KCTD20: variants seen among roughly 807,000 people sequenced by gnomAD.
KCTD20 encodes BTB/POZ domain-containing protein KCTD20.
In KCTD20, 30 loss-of-function variants were observed where a neutral mutation model predicts 39.6. That is an observed-to-expected ratio of 0.76 (90% CI 0.57 to 1.03). The LOEUF is 1.03. Among genes scored for constraint, KCTD20 ranks in the 50% least tolerant of loss-of-function variants. The probability of loss-of-function intolerance (pLI) is 0.00; values close to 1 mark genes in which losing one functional copy is unlikely to be tolerated. For missense variants in KCTD20, 422 were observed against 522.0 expected (o/e 0.81, Z 1.87); for synonymous variants, 162 against 180.6 (o/e 0.90, Z 0.83).
At position 36,469,385 on chromosome 6, in the gene KCTD20, G is replaced by A. The variant is rs1775847764; in HGVS notation, c.-46-667G>A. ...ATCACTGGGGGTCTTGCACGTGGCA[G>A]TCACATAGTGTGTGTTGTTCATGGG... is the stretch of plus-strand genomic sequence containing the variant. On this transcript the variant is annotated intron_variant, in intron 1 of 7. Coordinates refer to ENST00000373731, the MANE Select transcript of KCTD20 (RefSeq NM_173562.5). The surrounding 1 kb of genome is among the most constrained non-coding windows in gnomAD (Gnocchi z 4.6). Among the ~76,000 whole-genome samples the A allele has an allele frequency of 6.6e-6, 1 of 152,218 alleles. No homozygotes were observed. Among genetic ancestry groups the A allele is most frequent in the Admixed American group, 6.5e-5 (1 of 15,278 alleles).
rs369110627 is a variant in KCTD20, at chr6:36,470,104, G to A, written c.7G>A (p.Val3Ile). Reference sequence around the variant, plus strand: ...CAGGACTCAGAATCTAAGGATGAATGTTCACCGTGGCAGTGACAGTGACAG... The same window carrying A: ...CAGGACTCAGAATCTAAGGATGAATATTCACCGTGGCAGTGACAGTGACAG... MN[V>I]HRGSDSDRLL... is the part of the protein sequence containing the mutation. The change falls in exon 2 of 8, where the codon GTT (valine) becomes ATT (isoleucine). Residue 3 changes from valine to isoleucine, a missense_variant. Transcript: ENST00000373731. 3.7e-6 allele frequency: 6 copies of A among 1,612,348 alleles called. No homozygotes were observed. Among genetic ancestry groups the A allele is most frequent in the Non-Finnish European group, 5.1e-6 (6 of 1,178,938 alleles).
Position 36,474,755 on chromosome 6 carries a change from C to G in KCTD20, c.161-34C>G, listed in dbSNP as rs368506059. On this transcript the variant is annotated intron_variant, in intron 2 of 7. Coordinates refer to ENST00000373731, the MANE Select transcript of KCTD20 (RefSeq NM_173562.5). ...ATTTTTCTCTCAAGGCTTTTGCTCT[C>G]AAGTTGTTTTGGTTTCTTTGTATGT... 25 of 1,511,048 alleles carry G rather than the reference C, an allele frequency of 1.7e-5. No homozygotes were observed. In the African/African-American group the frequency reaches 1.8e-4, roughly 11 times the overall value. 93.6% of individuals were successfully genotyped at this position (1,511,048 alleles called of 1,614,324 possible).
chr6:36,475,329 C>T (rs1224702847), intron 3 of KCTD20, among the ~76,000 whole-genome samples: 1 of 151,728 alleles, frequency 6.6e-6, no homozygotes, highest in Non-Finnish European at 1.5e-5. Context: ...ACCTATAATC[C>T]CAGCTGCTAC....
At chr6:36,471,687 G>C (rs1320480535) in intron 2 of KCTD20, among the ~76,000 whole-genome samples, 1 of 152,130 alleles carries the variant, frequency 6.6e-6, no homozygotes, top group Non-Finnish European at 1.5e-5. Context: ...ACACCATTAG[G>C]GAGAACTTGT....
At chr6:36,471,986 C>T (rs1405699875) in intron 2 of KCTD20, among the ~76,000 whole-genome samples, 1 of 151,880 alleles carries the variant, frequency 6.6e-6, no homozygotes, top group Non-Finnish European at 1.5e-5. Flanking sequence ...GTAGCTGGGA[C>T]TACAGGCACC....
rs572144793 is a variant in KCTD20 at position 36,459,213 on chromosome 6, G to A, written c.-46-10839G>A. 3.9e-5 allele frequency among the ~76,000 whole-genome samples: 6 copies of A among 152,298 alleles called. No homozygotes were observed. In the East Asian group the frequency reaches 1.2e-3, roughly 29 times the overall value. ...CATAATCCCAGCTACTCGGGAGGCT[G>A]AGGCAGGAGAATCGCTTGAACTCGG... On this transcript the variant is annotated intron_variant, in intron 1 of 7. Coordinates refer to ENST00000373731, the MANE Select transcript of KCTD20 (RefSeq NM_173562.5).
In KCTD20 at chr6:36,490,274, C is replaced by G. The variant is rs1776546125; in HGVS notation, c.*3099C>G. ...TTTTGGCCAGGCGTGGTGGCTCACGCCTGTAATCCCAGCACTTTGGGAGGC... is the reference window on the plus strand; with the variant it reads ...TTTTGGCCAGGCGTGGTGGCTCACGGCTGTAATCCCAGCACTTTGGGAGGC... On this transcript the variant is annotated 3_prime_UTR_variant, in exon 8 of 8. Coordinates refer to ENST00000373731, the MANE Select transcript of KCTD20 (RefSeq NM_173562.5). 1 of 152,268 alleles carries G rather than the reference C, an allele frequency of 6.6e-6. No homozygotes were observed. The highest frequency in any genetic ancestry group is 6.5e-5 in the Admixed American group (1 of 15,284). The allele number at this position is 152,268 out of a possible 1,614,324, so 9.4% of individuals were successfully genotyped here.
Position 36,484,788 on chromosome 6 carries a change from G to A in KCTD20, c.931G>A (p.Glu311Lys), listed in dbSNP as rs1397120147. Residue 311 changes from glutamate (E) to lysine (K), a missense_variant, in exon 7 of 8, where the codon GAA becomes AAA. Physicochemically the swap from Glu to Lys is moderately conservative, Grantham distance 56 (BLOSUM62 1). Coordinates refer to ENST00000373731, the MANE Select transcript of KCTD20 (RefSeq NM_173562.5). ...GGATGTTGCAAAAACAGTGTTAAAG[G>A]AACGGGGCCTAAAAAACATTCGCAT... ...NRDVAKTVLK[E>K]RGLKNIRIGI... is the part of the protein sequence containing the mutation. The A allele has an allele frequency of 1.9e-6, 3 of 1,600,926 alleles. No homozygotes were observed. The highest frequency in any genetic ancestry group is 2.6e-6 in the Non-Finnish European group (3 of 1,171,874).
chr6:36,481,704 T>G lies in KCTD20; in HGVS notation c.801T>G (p.Asp267Glu). 6.2e-7 allele frequency: 1 copy of G among 1,614,200 alleles called. No homozygotes were observed. The highest frequency in any genetic ancestry group is 8.5e-7 in the Non-Finnish European group (1 of 1,180,036). Reference sequence around the variant, plus strand: ...ACATTGTTGTGCTGACGGATGAGGATTCTGTGGACTGGGATGAAGACCACC... The same window carrying G: ...ACATTGTTGTGCTGACGGATGAGGAGTCTGTGGACTGGGATGAAGACCACC... Reference protein sequence around the residue: ...ECHIVVLTDEDSVDWDEDHPP... With the variant: ...ECHIVVLTDEESVDWDEDHPP... Residue 267 changes from aspartate to glutamate, a missense_variant, in exon 6 of 8, where the codon GAT becomes GAG. By Grantham distance (45) the Asp-to-Glu change is conservative. Coordinates refer to ENST00000373731, the MANE Select transcript of KCTD20 (RefSeq NM_173562.5).
chr6:36,477,728 G>A (rs1233953314), intron 3 of KCTD20, among the ~76,000 whole-genome samples: 3 of 149,514 alleles, frequency 2.0e-5, no homozygotes, highest in African/African-American at 4.9e-5. Flanking sequence ...CTCATGATCC[G>A]CCCATCTCGG....
In KCTD20 at chr6:36,479,176, T is replaced by A. The variant is rs769433962; in HGVS notation, c.490T>A (p.Tyr164Asn). ...NFTRPNEKGE[Y>N]EIAEGISATV... ...CACTCGGCCCAATGAGAAGGGAGAGTATGAGATTGCTGAAGGCATCAGTGC... is the reference window on the plus strand; with the variant it reads ...CACTCGGCCCAATGAGAAGGGAGAGAATGAGATTGCTGAAGGCATCAGTGC... The change falls in exon 4 of 8, where the codon TAT becomes AAT. Residue 164 changes from tyrosine (Y) to asparagine (N), a missense_variant. Physicochemically the swap from Tyr to Asn is moderately radical, Grantham distance 143. Coordinates refer to ENST00000373731, the MANE Select transcript of KCTD20 (RefSeq NM_173562.5). 1 of 1,613,676 alleles carries A rather than the reference T, an allele frequency of 6.2e-7. No homozygotes were observed. The highest frequency in any genetic ancestry group is 8.5e-7 in the Non-Finnish European group (1 of 1,179,836).
rs141315779 is a variant in KCTD20 at position 36,479,048 on chromosome 6, T to C, written c.435-73T>C. 1.4e-3 allele frequency: 1,353 copies of C among 985,812 alleles called. 11 individuals are homozygous for C. Among genetic ancestry groups the C allele is most frequent in the Middle Eastern group, 3.0e-3 (14 of 4,694 alleles). The allele number at this position is 985,812 out of a possible 1,614,324, so 61.1% of individuals were successfully genotyped here. A position where few individuals can be genotyped will look rare whatever the true frequency, so the allele number is the denominator to read the frequency against. The stretch of plus-strand genomic sequence containing the variant: ...TGGGATGGAGTCTTCCAGAATGAGG[T>C]GGAGAAGGGAGAAATCTCATCTGTG... On this transcript the variant is annotated intron_variant, in intron 3 of 7. Transcript: ENST00000373731.
At chr6:36,482,368 A>G (rs999443436) in intron 6 of KCTD20, among the ~76,000 whole-genome samples, 3 of 151,908 alleles carry the variant, frequency 2.0e-5, no homozygotes, top group Non-Finnish European at 4.4e-5. Flanking sequence ...TCTGGCCAAC[A>G]TAGTGAAAGC....
Position 36,470,265 on chromosome 6 carries a change from G to T in KCTD20, c.160+8G>T, listed in dbSNP as rs1331223591. The T allele has an allele frequency of 6.3e-7, 1 of 1,593,762 alleles. No homozygotes were observed. The highest frequency in any genetic ancestry group is 2.3e-5 in the East Asian group (1 of 44,272). On this transcript the variant is annotated splice_region_variant and intron_variant, in intron 2 of 7. Transcript: ENST00000373731. ...TAGGTCCCAGGAATGAAGGTACAGTGATTAACTCTTGACTTAATTTGGGGG... is the reference window on the plus strand; with the variant it reads ...TAGGTCCCAGGAATGAAGGTACAGTTATTAACTCTTGACTTAATTTGGGGG...
Position 36,481,752 on chromosome 6 carries a change from T to G in KCTD20, c.849T>G (p.Tyr283Ter). ...EDHPPPMGEEYSQILYSSKLY... is the reference protein window; with the variant it reads ...EDHPPPMGEE ...ACCCTCCACCAATGGGGGAGGAATA[T>G]TCCCAAAGTAGGAGCTTCTGGCATG... The change falls in exon 6 of 8, where the codon TAT becomes TAG. Residue 283 changes from tyrosine to a stop codon, truncating the protein, a stop_gained. Transcript: ENST00000373731. LOFTEE classifies it high-confidence loss of function. The G allele has an allele frequency of 6.2e-7, 1 of 1,614,124 alleles. No homozygotes were observed. The highest frequency in any genetic ancestry group is 1.3e-5 in the African/African-American group (1 of 75,054).
Position 36,469,993 on chromosome 6 carries a change from T to G in KCTD20, c.-46-59T>G. On this transcript the variant is annotated intron_variant, in intron 1 of 7. Coordinates refer to ENST00000373731, the MANE Select transcript of KCTD20 (RefSeq NM_173562.5). This position sits in a 1 kb window ranked among gnomAD's most constrained non-coding sequence, Gnocchi z 4.6. ...GTTTTCTAGTTTTGCTTTCATACCA[T>G]GGAATTCCTTAGAAATCTGTTTTGT... 9.4e-7 allele frequency: 1 copy of G among 1,058,282 alleles called. No homozygotes were observed. The highest frequency in any genetic ancestry group is 1.3e-6 in the Non-Finnish European group (1 of 764,780). The allele number at this position is 1,058,282 out of a possible 1,614,324, so 65.6% of individuals were successfully genotyped here.
At position 36,486,913 on chromosome 6, in the gene KCTD20, G is replaced by A; in HGVS notation, c.998G>A (p.Arg333Lys). The change falls in exon 8 of 8, where the codon AGA becomes AAA. Residue 333 changes from arginine (R) to lysine (K), a missense_variant. Coordinates refer to ENST00000373731, the MANE Select transcript of KCTD20 (RefSeq NM_173562.5). ...CCTACCTGTAAAGAAAAAATTAAGA[G>A]AAGGCCTGGCGGCCGGTCTGAAGTC... Reference protein sequence around the residue: ...GYPTCKEKIKRRPGGRSEVIY... With the variant: ...GYPTCKEKIKKRPGGRSEVIY... 6.2e-7 allele frequency: 1 copy of A among 1,613,214 alleles called. No homozygotes were observed. Among genetic ancestry groups the A allele is most frequent in the Non-Finnish European group, 8.5e-7 (1 of 1,179,726 alleles).
chr6:36,485,402 C>T (rs914364807), intron 7 of KCTD20, among the ~76,000 whole-genome samples: 5 of 151,952 alleles, frequency 3.3e-5, no homozygotes, highest in African/African-American at 1.2e-4. Flanking sequence ...CAGTGGCTCC[C>T]AACCTGTGGT....
Position 36,485,643 on chromosome 6 carries a change from G to A in KCTD20, c.967+819G>A, listed in dbSNP as rs1477374403. ...CGAGTAGCTGGGACTACAGGCACCC[G>A]CAACCATGCCCGGCTAATTTCTTGT... is the stretch of plus-strand genomic sequence containing the variant. On this transcript the variant is annotated intron_variant, in intron 7 of 7. Coordinates refer to ENST00000373731, the MANE Select transcript of KCTD20 (RefSeq NM_173562.5). Among the ~76,000 whole-genome samples the A allele has an allele frequency of 4.0e-5, 6 of 151,884 alleles. No homozygotes were observed. The South Asian group carries it at 1.0e-3, about 26-fold the overall frequency.
Sources: allele counts gnomAD v4.1 joint callset (sites outside exome capture counted in the v4.1 genomes callset), GRCh38; gene constraint gnomAD v4.1.1; non-coding constraint Gnocchi (gnomAD v3.1); transcripts MANE v1.5; gene names NCBI Gene and HGNC (gene_info 2026-07-23, HGNC 2026-07-21).